The following SCHIP1 variants were observed in gnomAD, a reference collection of about 807,000 sequenced individuals.
SCHIP1 encodes schwannomin interacting protein 1, also known as schwannomin-interacting protein 1.
Under a neutral mutation model 29.7 loss-of-function variants are expected in SCHIP1, and 8 were observed. The observed-to-expected ratio is 0.27, with a 90% confidence interval of 0.16 to 0.49. The LOEUF is 0.49. SCHIP1 is among the 20% of genes least tolerant of loss of function. SCHIP1 has a pLI of 0.99. For synonymous variants in SCHIP1, 76 were observed against 94.9 expected (o/e 0.80, Z 1.16); for missense variants, 193 against 294.6 (o/e 0.66, Z 2.52).
At chr3:159,843,024 T>G (rs1744413223) in intron 1 of SCHIP1, among the ~76,000 whole-genome samples, 1 of 97,812 alleles carries the variant, frequency 1.0e-5, no homozygotes. Flanking sequence ...TTTTTTTTTT[T>G]TTTTTGAGAT....
chr3:159,421,366 G>C, the SCHIP1 span, among the ~76,000 whole-genome samples: 1 of 152,164 alleles, frequency 6.6e-6, no homozygotes, highest in Admixed American at 6.5e-5. Context: ...ACTGTCACTT[G>C]GATGAGTGCT....
chr3:159,886,369 G>A (rs377626572), intron 3 of SCHIP1, 45 bp downstream of exon 4: 83 of 1,558,160 alleles, frequency 5.3e-5, no homozygotes, highest in African/African-American at 4.5e-4. Context: ...TGTGATTTCC[G>A]GGCCATTTAG....
chr3:159,720,731 C>T, the SCHIP1 span, among the ~76,000 whole-genome samples: 9 of 152,060 alleles, frequency 5.9e-5, no homozygotes, highest in Non-Finnish European at 1.3e-4. Flanking sequence ...ATTACAGGCA[C>T]CTGCCAGCCA....
chr3:159,543,054 C>T, the SCHIP1 span, among the ~76,000 whole-genome samples: 15 of 149,650 alleles, frequency 1.0e-4, 1 homozygote, highest in Admixed American at 1.0e-3. Context: ...TACACACATG[C>T]ATATGTACAC....
At chr3:159,890,664 C>G (rs759870428) in intron 5 of SCHIP1, among the ~76,000 whole-genome samples, 5 of 152,082 alleles carry the variant, frequency 3.3e-5, no homozygotes, top group Non-Finnish European at 7.4e-5. Context: ...ACTAAAAGCA[C>G]TTTCTGATAT....
At chr3:159,532,200 CT>C in the SCHIP1 span, among the ~76,000 whole-genome samples, 1 of 152,164 alleles carries the variant, frequency 6.6e-6, no homozygotes, top group East Asian at 1.9e-4. Context: ...CAAGATGCCG[CT>C]TTTTTTCTAA....
chr3:159,588,625 T>C, the SCHIP1 span, among the ~76,000 whole-genome samples: 1 of 152,362 alleles, frequency 6.6e-6, no homozygotes, highest in African/African-American at 2.4e-5. Flanking sequence ...TTAATCCATC[T>C]TGAATTAATT....
the SCHIP1 span, among the ~76,000 whole-genome samples, chr3:159,595,587 G>A: frequency 9.2e-5 from 14 of 151,970 alleles, no homozygotes; most frequent in African/African-American, 3.4e-4. Flanking sequence ...TCAGACACAT[G>A]GTCAACAGTA....
chr3:159,732,482 T>C, the SCHIP1 span, among the ~76,000 whole-genome samples: 5 of 152,170 alleles, frequency 3.3e-5, no homozygotes, highest in African/African-American at 1.2e-4. Context: ...TTAGAAAGAC[T>C]GGTATGAAAG....
At chr3:159,501,852 A>G in the SCHIP1 span, among the ~76,000 whole-genome samples, 2 of 152,324 alleles carry the variant, frequency 1.3e-5, no homozygotes, top group South Asian at 4.1e-4. Flanking sequence ...TACAAACCAA[A>G]TGTTGCATTT....
chr3:159,881,943 AC>A (rs1407892982), intron 2 of SCHIP1, among the ~76,000 whole-genome samples: 6 of 152,192 alleles, frequency 3.9e-5, no homozygotes, highest in Admixed American at 3.9e-4. Flanking sequence ...GCTCTGTGCT[AC>A]GAAGTTACAC....
At chr3:159,685,743 A>G in the SCHIP1 span, among the ~76,000 whole-genome samples, 1 of 152,190 alleles carries the variant, frequency 6.6e-6, no homozygotes, top group South Asian at 2.1e-4. Context: ...CTGAACATGA[A>G]TTTTACCCAC....
chr3:159,626,563 A>C, the SCHIP1 span, among the ~76,000 whole-genome samples: 1 of 152,134 alleles, frequency 6.6e-6, no homozygotes, highest in South Asian at 2.1e-4. Context: ...TATATTATAT[A>C]ATGTGATAGT....
the SCHIP1 span, among the ~76,000 whole-genome samples, chr3:159,334,994 G>C: frequency 6.6e-6 from 1 of 151,390 alleles, no homozygotes; most frequent in Non-Finnish European, 1.5e-5. Flanking sequence ...TCTGCCTCTG[G>C]GTTCAGGCAA....
the SCHIP1 span, among the ~76,000 whole-genome samples, chr3:159,385,380 A>G: frequency 6.6e-6 from 1 of 152,182 alleles, no homozygotes; most frequent in Non-Finnish European, 1.5e-5. Flanking sequence ...CAACATGGCA[A>G]AATCCAGTCT....
chr3:159,765,121 A>G, the SCHIP1 span: 1 of 1,567,348 alleles, frequency 6.4e-7, no homozygotes, highest in Non-Finnish European at 8.6e-7. Context: ...GGGCCAGGCG[A>G]GGACCAACTC....
the SCHIP1 span, among the ~76,000 whole-genome samples, chr3:159,567,422 T>A: frequency 6.6e-6 from 1 of 152,292 alleles, no homozygotes; most frequent in South Asian, 2.1e-4. Context: ...ATATTCACCA[T>A]CTCTGTTGTT....
chr3:159,513,106 G>C, the SCHIP1 span, among the ~76,000 whole-genome samples: 1 of 152,088 alleles, frequency 6.6e-6, no homozygotes, highest in East Asian at 1.9e-4. Flanking sequence ...CAAAATTATT[G>C]TATTTTATTG....
At chr3:159,364,361 T>C in the SCHIP1 span, among the ~76,000 whole-genome samples, 1,202 of 152,334 alleles carry the variant, frequency 7.9e-3, 17 homozygotes, top group African/African-American at 0.028. Flanking sequence ...CTAGAATATA[T>C]GGATTTCCTA....
Sources: allele counts gnomAD v4.1 joint callset (sites outside exome capture counted in the v4.1 genomes callset), GRCh38; gene constraint gnomAD v4.1.1; transcripts MANE v1.5; gene names NCBI Gene and HGNC (gene_info 2026-07-23, HGNC 2026-07-21).